Variants in HNRNPF observed in about 807,000 individuals in gnomAD.
HNRNPF encodes heterogeneous nuclear ribonucleoprotein F.
A neutral mutation model predicts 26.0 loss-of-function variants in HNRNPF; 2 were observed. That is an observed-to-expected ratio of 0.08 (90% CI 0.03 to 0.24). The LOEUF (loss-of-function observed/expected upper bound fraction) is 0.24. Ranked by LOEUF, HNRNPF falls within the 10% of genes least tolerant of loss-of-function variation. HNRNPF has a pLI of 1.00. For missense variants in HNRNPF, 299 were observed against 539.2 expected, an observed-to-expected ratio of 0.55 and a Z score of 4.41; for synonymous variants, 234 against 211.5, an observed-to-expected ratio of 1.11 and a Z score of -0.92.
At position 43,386,591 on chromosome 10, in the gene HNRNPF, G is replaced by GCTGC. The variant is rs1838032181; in HGVS notation, c.*42_*45dup. 2.0e-6 allele frequency: 3 copies of GCTGC among 1,486,786 alleles called. No homozygotes were observed. Among genetic ancestry groups the GCTGC allele is most frequent in the Non-Finnish European group, 2.7e-6 (3 of 1,119,176 alleles). The allele number at this position is 1,486,786 out of a possible 1,614,324, so 92.1% of individuals were successfully genotyped here. On this transcript the variant is annotated 3_prime_UTR_variant, in exon 4 of 4. Coordinates refer to ENST00000682386, the MANE Select transcript of HNRNPF (RefSeq NM_001098204.2). ...TATAACTGCTCTTAATTGCTTGTTGGCTGCCTGTGAAAATGATTGAAGTAA... is the reference window on the plus strand; with the variant it reads ...TATAACTGCTCTTAATTGCTTGTTGGCTGCCTGCCTGTGAAAATGATTGAAGTAA...
At chr10:43,390,380 T>C (rs1376610510) in intron 3 of HNRNPF, among the ~76,000 whole-genome samples, 1 of 152,190 alleles carries the variant, frequency 6.6e-6, no homozygotes, top group East Asian at 1.9e-4. Context: ...CGAGTTCTGT[T>C]CCTAGCCTTA....
intron 2 of HNRNPF, among the ~76,000 whole-genome samples, chr10:43,396,118 C>T (rs569062048): frequency 6.6e-5 from 10 of 152,302 alleles, no homozygotes; most frequent in Middle Eastern, 3.4e-3. Context: ...ACGAGCTCTT[C>T]GCAGTGATAC....
intron 1 of HNRNPF, among the ~76,000 whole-genome samples, chr10:43,404,017 G>A (rs1484229499): frequency 1.3e-5 from 2 of 150,400 alleles, no homozygotes; most frequent in Non-Finnish European, 3.0e-5. Context: ...GGAGGGCTGG[G>A]CGTGGTGGGT....
At position 43,386,646 on chromosome 10, in the gene HNRNPF, G is replaced by A. The variant is rs927457351; in HGVS notation, c.1239C>T (p.Gly413=). The change falls in exon 4 of 4, where the codon GGC becomes GGT. Residue 413 remains glycine (G), a synonymous_variant. Transcript: ENST00000682386. ...AATGTTCCTAACAAAACTAGTCATA[G>A]CCACCCATGCTGTTCTGCCCACTGT... ...AGYSGQNSMG[G]YD The A allele has an allele frequency of 3.9e-6, 6 of 1,548,942 alleles. No individual in the cohort carries two copies. The highest frequency in any genetic ancestry group is 4.4e-5 in the Admixed American group (2 of 45,208).
At chr10:43,393,412 A>G (rs61860890) in intron 3 of HNRNPF, among the ~76,000 whole-genome samples, 4,267 of 152,228 alleles carry the variant, frequency 0.028, 95 homozygotes, top group South Asian at 0.041. Flanking sequence ...CCTGACCAAC[A>G]TGGAGAAACT....
chr10:43,400,839 T>C lies in HNRNPF; in HGVS notation c.-246-4249A>G, dbSNP rs1057006720. ...GTGGCCAGGCACAGTGGCTCATGCC[T>C]GTAATCCCAGCACTTTGGGAGGCCG... On this transcript the variant is annotated intron_variant, in intron 1 of 3. Transcript: ENST00000682386. Among the ~76,000 whole-genome samples the C allele has an allele frequency of 6.6e-5, 10 of 152,352 alleles. No individual in the cohort carries two copies. The South Asian group carries it at 1.9e-3, about 28-fold the overall frequency.
intron 1 of HNRNPF, among the ~76,000 whole-genome samples, chr10:43,398,632 G>A (rs749409741): frequency 2.6e-5 from 4 of 151,938 alleles, no homozygotes; most frequent in African/African-American, 4.8e-5. Context: ...GAGCCACCGC[G>A]CCCGGCCTGT....
chr10:43,402,777 G>C (rs545727834), intron 1 of HNRNPF, among the ~76,000 whole-genome samples: 7 of 152,294 alleles, frequency 4.6e-5, no homozygotes, highest in Middle Eastern at 3.4e-3. Flanking sequence ...GGATATAACA[G>C]TAAGTAAGAG....
chr10:43,408,400 C>G (rs770695722), intron 1 of HNRNPF, among the ~76,000 whole-genome samples: 1 of 152,202 alleles, frequency 6.6e-6, no homozygotes, highest in African/African-American at 2.4e-5. Context: ...CAGTTCTTGC[C>G]GGTCCCACGT....
At chr10:43,403,726 T>G (rs1213830966) in intron 1 of HNRNPF, among the ~76,000 whole-genome samples, 3 of 152,074 alleles carry the variant, frequency 2.0e-5, no homozygotes, top group Non-Finnish European at 4.4e-5. Flanking sequence ...AGGCCATATA[T>G]AGTGGCTCAC....
In HNRNPF at chr10:43,387,949, A is replaced by AG; in HGVS notation, c.-52-14_-52-13insC. On this transcript the variant is annotated splice_polypyrimidine_tract_variant and intron_variant, in intron 3 of 3. Transcript: ENST00000682386. The surrounding 1 kb of genome is among the most constrained non-coding windows in gnomAD (Gnocchi z 6.0). ...GGCTTTTTTGTGGCTGGAAAAAAAA[A>AG]AAAGAAAAATTTATTTAGTATGCAA... is the stretch of plus-strand genomic sequence containing the variant. The AG allele has an allele frequency of 7.1e-7, 1 of 1,416,632 alleles. No homozygotes were observed. Among genetic ancestry groups the AG allele is most frequent in the East Asian group, 2.3e-5 (1 of 43,478 alleles). The allele number at this position is 1,416,632 out of a possible 1,614,324, so 87.8% of individuals were successfully genotyped here. A position where few individuals can be genotyped will look rare whatever the true frequency, so the allele number is the denominator to read the frequency against.
chr10:43,404,130 C>T (rs2265952), intron 1 of HNRNPF, among the ~76,000 whole-genome samples: 48,003 of 151,362 alleles, frequency 0.32, 9,603 homozygotes, highest in African/African-American at 0.58. Context: ...AACCCCCCAC[C>T]CCCTGCCACT....
intron 1 of HNRNPF, chr10:43,407,595 CTACGAGCAGGGCGGA>C (rs1246957859): frequency 6.6e-6 from 1 of 152,212 alleles, no homozygotes; most frequent in Non-Finnish European, 1.5e-5. Context: ...CACAAGTTTC[CTACGAGCAGGGCGGA>C]ATCGACGAAA....
chr10:43,396,277 G>C (rs1317838212), intron 2 of HNRNPF, among the ~76,000 whole-genome samples, 179 bp downstream of exon 2: 1 of 152,204 alleles, frequency 6.6e-6, no homozygotes, highest in Non-Finnish European at 1.5e-5. Context: ...GACAGGACTC[G>C]AGGAAGGATC....
In HNRNPF at chr10:43,387,267, C is replaced by T; in HGVS notation, c.618G>A (p.Arg206=). The change falls in exon 4 of 4, where the codon CGG becomes CGA. Residue 206 remains arginine (R), a synonymous_variant. Coordinates refer to ENST00000682386, the MANE Select transcript of HNRNPF (RefSeq NM_001098204.2). The surrounding 1 kb of genome is among the most constrained non-coding windows in gnomAD (Gnocchi z 6.0). ...DPPLKFMSVQ[R]PGPYDRPGTA... ...TCCCGGGCCGGTCATAGGGCCCTGG[C>T]CGCTGCACGGACATGAACTTCAGAG... The T allele has an allele frequency of 6.2e-7, 1 of 1,614,212 alleles. No individual in the cohort carries two copies. Among genetic ancestry groups the T allele is most frequent in the Non-Finnish European group, 8.5e-7 (1 of 1,180,034 alleles).
chr10:43,395,266 T>C, intron 2 of HNRNPF, among the ~76,000 whole-genome samples: 1 of 152,184 alleles, frequency 6.6e-6, no homozygotes. Context: ...TTCAGTCTGA[T>C]TTATAGGAAC....
rs147108132 is a variant in HNRNPF at position 43,395,615 on chromosome 10, T to C, written c.-112+841A>G. 3.1e-3 allele frequency among the ~76,000 whole-genome samples: 468 copies of C among 152,284 alleles called. 2 individuals are homozygous for C. The highest frequency in any genetic ancestry group is 0.011 in the African/African-American group (455 of 41,560). On this transcript the variant is annotated intron_variant, in intron 2 of 3. Coordinates refer to ENST00000682386, the MANE Select transcript of HNRNPF (RefSeq NM_001098204.2). ...GGGTGTACAAATGGAAAGCATTACA[T>C]TTATTAGGAAACCTATTCAGGGGTG...
intron 1 of HNRNPF, among the ~76,000 whole-genome samples, chr10:43,406,856 CA>C (rs1838935006): frequency 6.6e-6 from 1 of 152,078 alleles, no homozygotes; most frequent in South Asian, 2.1e-4. Flanking sequence ...GTAATACCTA[CA>C]AGGGAAAAGA....
intron 1 of HNRNPF, among the ~76,000 whole-genome samples, chr10:43,405,492 TA>T (rs1486277305): frequency 6.6e-6 from 1 of 151,994 alleles, no homozygotes; most frequent in African/African-American, 2.4e-5. Flanking sequence ...CCGCCTCTAC[TA>T]AAAATACAAA....
Sources: allele counts gnomAD v4.1 joint callset (sites outside exome capture counted in the v4.1 genomes callset), GRCh38; gene constraint gnomAD v4.1.1; non-coding constraint Gnocchi (gnomAD v3.1); transcripts MANE v1.5; gene names NCBI Gene and HGNC (gene_info 2026-07-23, HGNC 2026-07-21).